ZC2HC1A: variants seen among roughly 807,000 people sequenced by gnomAD.
ZC2HC1A encodes the protein zinc finger C2HC-type containing 1A.
Under a neutral mutation model 40.7 loss-of-function variants are expected in ZC2HC1A, and 28 were observed. The ratio of observed to expected loss-of-function variants is 0.69; its 90% confidence interval spans 0.51 to 0.94. The LOEUF is 0.94. ZC2HC1A is among the 40% of genes least tolerant of loss of function. ZC2HC1A has a pLI of 0.00. For synonymous variants in ZC2HC1A, 129 were observed against 129.2 expected, an observed-to-expected ratio of 1.00 and a Z score of 0.01; for missense variants, 389 against 386.3, an observed-to-expected ratio of 1.01 and a Z score of -0.06.
At chr8:78,692,290 T>C (rs1810236990) in intron 5 of ZC2HC1A, among the ~76,000 whole-genome samples, 1 of 152,192 alleles carries the variant, frequency 6.6e-6, no homozygotes, top group Non-Finnish European at 1.5e-5. Flanking sequence ...GTACATGTGG[T>C]ATTCACATGC....
intron 5 of ZC2HC1A, among the ~76,000 whole-genome samples, chr8:78,695,352 T>C (rs1810364530): frequency 6.6e-6 from 1 of 152,166 alleles, no homozygotes; most frequent in African/African-American, 2.4e-5. Context: ...ATAATTCCTA[T>C]TATATACATA....
chr8:78,667,930 T>TG (rs1168452837), intron 1 of ZC2HC1A, among the ~76,000 whole-genome samples: 1 of 150,836 alleles, frequency 6.6e-6, no homozygotes, highest in East Asian at 2.0e-4. Context: ...CAGCTTATGA[T>TG]GTTAATAGTG....
At chr8:78,698,633 C>T (rs1810509195) in intron 7 of ZC2HC1A, 120 bp downstream of exon 7, 2 of 751,456 alleles carry the variant, frequency 2.7e-6, no homozygotes, top group African/African-American at 3.6e-5. Context: ...TGTCTTTTAA[C>T]ATTTTGCTGG....
chr8:78,696,486 C>T (rs1810419025), intron 5 of ZC2HC1A, among the ~76,000 whole-genome samples: 1 of 152,180 alleles, frequency 6.6e-6, no homozygotes, highest in African/African-American at 2.4e-5. Context: ...TGGGGCATAA[C>T]CCTGGGCAAG....
rs559205309 is a variant in ZC2HC1A, at chr8:78,677,253, G to C, written c.94-1310G>C. Among the ~76,000 whole-genome samples the C allele has an allele frequency of 2.8e-4, 42 of 152,106 alleles. 1 individual carries two copies. In the South Asian group the frequency reaches 8.3e-3, roughly 30 times the overall value. On this transcript the variant is annotated intron_variant, in intron 2 of 8. Coordinates refer to ENST00000263849, the MANE Select transcript of ZC2HC1A (RefSeq NM_016010.3). ...CATCATGCTTAATATAGTGGAGGGA[G>C]AATGTTTATCCAGTTGGCTTATTGG...
intron 3 of ZC2HC1A, among the ~76,000 whole-genome samples, chr8:78,681,500 A>G (rs1460792981): frequency 1.3e-5 from 2 of 152,188 alleles, no homozygotes; most frequent in Non-Finnish European, 2.9e-5. Context: ...TTGCATTTAT[A>G]TTAATCAGAG....
chr8:78,717,531 TTTATGA>T lies in ZC2HC1A; in HGVS notation c.*43_*48del, dbSNP rs1206843564. On this transcript the variant is annotated 3_prime_UTR_variant, in exon 9 of 9. Transcript: ENST00000263849. ...AAAAAAAAAAAAGCCAAGTTCAGAG[TTTATGA>T]TTATTGCTGCTTGGACAGCTAGAGC... 1 of 1,538,892 alleles carries T rather than the reference TTTATGA, an allele frequency of 6.5e-7. No homozygotes were observed. Among genetic ancestry groups the T allele is most frequent in the African/African-American group, 1.4e-5 (1 of 71,226 alleles).
At chr8:78,711,986 A>G (rs1810963383) in intron 7 of ZC2HC1A, 1 of 1,287,456 alleles carries the variant, frequency 7.8e-7, no homozygotes, top group Non-Finnish European at 1.0e-6. Context: ...ATATATTTTA[A>G]TAGTAATATG....
intron 5 of ZC2HC1A, 73 bp from the exon 6 acceptor site, chr8:78,697,334 A>G: frequency 8.2e-7 from 1 of 1,216,898 alleles, no homozygotes; most frequent in Non-Finnish European, 1.1e-6. Flanking sequence ...AAGAATGTTA[A>G]GTTTTGAACC....
chr8:78,710,671 A>C (rs1810924227), intron 7 of ZC2HC1A, among the ~76,000 whole-genome samples: 1 of 152,102 alleles, frequency 6.6e-6, no homozygotes, highest in Non-Finnish European at 1.5e-5. Flanking sequence ...TTTGATAATT[A>C]AGGATTAGAA....
rs1210130835 is a variant in ZC2HC1A, at chr8:78,700,318, G to GT, written c.704+1813dup. Among the ~76,000 whole-genome samples the GT allele has an allele frequency of 6.6e-5, 10 of 151,022 alleles. No homozygotes were observed. The South Asian group carries it at 1.5e-3, about 22-fold the overall frequency. ...TGTCCACTTTTTAATGGGATTGTTTGTTTTTTTTCTTGTAAGTTTCTTTTT... is the reference window on the plus strand; with the variant it reads ...TGTCCACTTTTTAATGGGATTGTTTGTTTTTTTTTCTTGTAAGTTTCTTTTT... On this transcript the variant is annotated intron_variant, in intron 7 of 8. Coordinates refer to ENST00000263849, the MANE Select transcript of ZC2HC1A (RefSeq NM_016010.3).
At chr8:78,699,111 A>C (rs545127289) in intron 7 of ZC2HC1A, among the ~76,000 whole-genome samples, 1 of 91,166 alleles carries the variant, frequency 1.1e-5, no homozygotes, top group East Asian at 3.2e-4. Flanking sequence ...TATGTATATA[A>C]ATTTTAATAA....
At chr8:78,693,189 C>T (rs1810272720) in intron 5 of ZC2HC1A, among the ~76,000 whole-genome samples, 1 of 152,292 alleles carries the variant, frequency 6.6e-6, no homozygotes, top group East Asian at 1.9e-4. Flanking sequence ...CCGCAATAAA[C>T]ATACGTGTTT....
At chr8:78,712,359 G>T (rs997138281) in intron 7 of ZC2HC1A, among the ~76,000 whole-genome samples, 9 of 151,928 alleles carry the variant, frequency 5.9e-5, no homozygotes, top group African/African-American at 2.2e-4. Flanking sequence ...GTTTCAAATT[G>T]CAGTCACATT....
At chr8:78,695,054 A>C (rs1810353433) in intron 5 of ZC2HC1A, among the ~76,000 whole-genome samples, 1 of 152,144 alleles carries the variant, frequency 6.6e-6, no homozygotes, top group African/African-American at 2.4e-5. Flanking sequence ...CTCAGAAAGG[A>C]AGGAGTCAGA....
chr8:78,671,803 C>T (rs1809444085), intron 1 of ZC2HC1A, among the ~76,000 whole-genome samples: 1 of 152,018 alleles, frequency 6.6e-6, no homozygotes, highest in Non-Finnish European at 1.5e-5. Flanking sequence ...TGTACACTAC[C>T]TGAAGCATTC....
At chr8:78,671,996 T>A (rs987961209) in intron 1 of ZC2HC1A, among the ~76,000 whole-genome samples, 2 of 152,164 alleles carry the variant, frequency 1.3e-5, no homozygotes, top group African/African-American at 4.8e-5. Context: ...CCTTATTTTA[T>A]GTAAGGAAAT....
intron 7 of ZC2HC1A, among the ~76,000 whole-genome samples, chr8:78,701,339 T>G (rs975697839): frequency 2.0e-5 from 3 of 152,188 alleles, no homozygotes; most frequent in African/African-American, 7.2e-5. Flanking sequence ...TGCACATTGA[T>G]TTTAGAATCC....
intron 1 of ZC2HC1A, among the ~76,000 whole-genome samples, chr8:78,666,572 G>A (rs1473228664): frequency 6.6e-6 from 1 of 152,152 alleles, no homozygotes; most frequent in East Asian, 1.9e-4. Flanking sequence ...GCCACTTTGT[G>A]CTGCAGCCCC....
Sources: gnomAD v4.1 joint callset for allele counts (sites outside exome capture counted in the v4.1 genomes callset) on GRCh38, gnomAD v4.1.1 for gene constraint, MANE v1.5 for transcripts, NCBI Gene and HGNC (gene_info 2026-07-23, HGNC 2026-07-21) for gene names.